SHLD1: variants seen among roughly 807,000 people sequenced by gnomAD.
SHLD1 encodes shieldin complex subunit 1.
Under a neutral mutation model 5.5 loss-of-function variants are expected in SHLD1, and 3 were observed. The ratio of observed to expected loss-of-function variants is 0.54; its 90% CI spans 0.25 to 1.40. The LOEUF is 1.40. Ranked by LOEUF, SHLD1 falls within the 40% of genes most tolerant of loss-of-function variation. The probability of loss-of-function intolerance (pLI) is 0.15; values close to 1 mark genes in which losing one functional copy is unlikely to be tolerated. For missense variants in SHLD1, 210 were observed against 244.4 expected, an observed-to-expected ratio of 0.86 and a Z score of 0.94; for synonymous variants, 92 against 94.3, an observed-to-expected ratio of 0.98 and a Z score of 0.14.
intron 2 of SHLD1, among the ~76,000 whole-genome samples, chr20:5,780,082 G>A (rs910344447): frequency 1.4e-5 from 2 of 145,946 alleles, no homozygotes. Flanking sequence ...AGGCTCAAGT[G>A]ATTCTCATGC....
chr20:5,772,011 A>T, intron 1 of SHLD1: 1 of 426,466 alleles, frequency 2.3e-6, no homozygotes, highest in Non-Finnish European at 4.6e-6. Flanking sequence ...AGTAGCTGGG[A>T]TTACAGGCAC....
At chr20:5,862,449 C>T (rs527555014) in intron 2 of SHLD1, among the ~76,000 whole-genome samples, 5 of 152,254 alleles carry the variant, frequency 3.3e-5, no homozygotes, top group Admixed American at 2.0e-4. Context: ...ATCGTGCACA[C>T]GCACGGATCT....
At chr20:5,838,920 T>C (rs1568526534) in intron 2 of SHLD1, among the ~76,000 whole-genome samples, 1 of 152,224 alleles carries the variant, frequency 6.6e-6, no homozygotes, top group Non-Finnish European at 1.5e-5. Flanking sequence ...GGCTCATGTG[T>C]TTAACTAAAC....
intron 2 of SHLD1, among the ~76,000 whole-genome samples, chr20:5,861,561 A>G (rs917255005): frequency 9.2e-5 from 14 of 152,220 alleles, no homozygotes; most frequent in Non-Finnish European, 2.1e-4. Flanking sequence ...TTCTTTTAGA[A>G]TGTGCTGATA....
intron 1 of SHLD1, among the ~76,000 whole-genome samples, chr20:5,752,928 G>C (rs1339798348): frequency 6.6e-6 from 1 of 152,178 alleles, no homozygotes; most frequent in Admixed American, 6.6e-5. Context: ...CGGCGTAGCT[G>C]GGATTACAGG....
chr20:5,831,727 A>ATCTCTC (rs368300547), intron 2 of SHLD1, among the ~76,000 whole-genome samples: 3 of 149,800 alleles, frequency 2.0e-5, no homozygotes, highest in East Asian at 1.9e-4. Context: ...AATCCCTTTG[A>ATCTCTC]TCTCTCTCTC....
chr20:5,824,126 G>T (rs910890479), intron 2 of SHLD1, among the ~76,000 whole-genome samples: 1 of 152,216 alleles, frequency 6.6e-6, no homozygotes, highest in South Asian at 2.1e-4. Context: ...CTGCCTGGCT[G>T]TGACTGCTTC....
intron 2 of SHLD1, among the ~76,000 whole-genome samples, chr20:5,787,679 A>G (rs2087078442): frequency 6.6e-6 from 1 of 152,196 alleles, no homozygotes; most frequent in Non-Finnish European, 1.5e-5. Context: ...GGCACATGGT[A>G]GGTGCTCAGT....
Position 5,778,354 on chromosome 20 carries a change from C to T in SHLD1, c.178+5311C>T, listed in dbSNP as rs1213577455. On this transcript the variant is annotated intron_variant, in intron 2 of 2. Coordinates refer to ENST00000303142, the MANE Select transcript of SHLD1 (RefSeq NM_152504.4). ...GTGTTAGCCAGGATGGTCTCGATCTCCTGACCTTGTGATCCGCTTGAGAGG... is the reference window on the plus strand; with the variant it reads ...GTGTTAGCCAGGATGGTCTCGATCTTCTGACCTTGTGATCCGCTTGAGAGG... Among the ~76,000 whole-genome samples, 5 of 149,830 alleles carry T rather than the reference C, an allele frequency of 3.3e-5. No homozygotes were observed. In the South Asian group the frequency reaches 1.1e-3, roughly 32 times the overall value.
At chr20:5,824,447 A>C (rs2087642839) in intron 2 of SHLD1, among the ~76,000 whole-genome samples, 1 of 152,162 alleles carries the variant, frequency 6.6e-6, no homozygotes, top group South Asian at 2.1e-4. Flanking sequence ...CTGTTTCACC[A>C]CTGGAATATA....
intron 2 of SHLD1, among the ~76,000 whole-genome samples, chr20:5,804,602 T>C (rs1420057921): frequency 1.3e-5 from 2 of 152,186 alleles, no homozygotes; most frequent in Admixed American, 6.5e-5. Context: ...AAAAATTCCA[T>C]TGCAGAAATC....
At chr20:5,841,629 G>A (rs1027619633) in intron 2 of SHLD1, among the ~76,000 whole-genome samples, 2 of 152,162 alleles carry the variant, frequency 1.3e-5, no homozygotes, top group African/African-American at 4.8e-5. Flanking sequence ...TAATAAGGCA[G>A]TAAATGTTAT....
chr20:5,819,945 G>GT, intron 2 of SHLD1, among the ~76,000 whole-genome samples: 1 of 150,674 alleles, frequency 6.6e-6, no homozygotes, highest in Admixed American at 6.6e-5. Context: ...TTTTTTTTTT[G>GT]TTTTTTGTTT....
intron 1 of SHLD1, among the ~76,000 whole-genome samples, chr20:5,763,085 T>C (rs978687882): frequency 4.0e-5 from 6 of 151,136 alleles, no homozygotes; most frequent in African/African-American, 1.5e-4. Context: ...GGCAGGCGGA[T>C]CACCTGAGGT....
At chr20:5,849,685 C>T (rs139828044) in intron 2 of SHLD1, among the ~76,000 whole-genome samples, 8,257 of 152,184 alleles carry the variant, frequency 0.054, 325 homozygotes, top group Admixed American at 0.078. Context: ...AGGGGCCGGG[C>T]GCGGTGGCTC....
At position 5,832,400 on chromosome 20, in the gene SHLD1, G is replaced by A. The variant is rs968411881; in HGVS notation, c.179-30624G>A. 9.9e-5 allele frequency among the ~76,000 whole-genome samples: 15 copies of A among 152,188 alleles called. 1 individual carries two copies. Among genetic ancestry groups the A allele is most frequent in the Admixed American group, 3.9e-4 (6 of 15,276 alleles). On this transcript the variant is annotated intron_variant, in intron 2 of 2. Coordinates refer to ENST00000303142, the MANE Select transcript of SHLD1 (RefSeq NM_152504.4). ...CTTGGATTAAGATCGGGGCTTTCAC[G>A]TCTTGCTGGAAAATAGTAAGCCATA...
intron 2 of SHLD1, among the ~76,000 whole-genome samples, chr20:5,823,648 A>G (rs1192663687): frequency 6.6e-6 from 1 of 151,938 alleles, no homozygotes; most frequent in Non-Finnish European, 1.5e-5. Context: ...GGGTTTCACC[A>G]TGTTGGCCAG....
chr20:5,821,637 A>G (rs916478288), intron 2 of SHLD1, among the ~76,000 whole-genome samples: 1 of 152,232 alleles, frequency 6.6e-6, no homozygotes, highest in Admixed American at 6.5e-5. Flanking sequence ...ATCATATCAG[A>G]GTTTCTGAGG....
intron 2 of SHLD1, among the ~76,000 whole-genome samples, chr20:5,850,656 G>A (rs2087997148): frequency 6.6e-6 from 1 of 151,870 alleles, no homozygotes; most frequent in Non-Finnish European, 1.5e-5. Flanking sequence ...GATTACAGGT[G>A]TGTGCCACCA....
Sources: allele counts gnomAD v4.1 joint callset (sites outside exome capture counted in the v4.1 genomes callset), GRCh38; gene constraint gnomAD v4.1.1; transcripts MANE v1.5; gene names NCBI Gene and HGNC (gene_info 2026-07-23, HGNC 2026-07-21).